The following SEC23IP variants were observed in gnomAD, a reference collection of about 807,000 sequenced individuals.
SEC23IP encodes the protein SEC23-interacting protein.
SEC23IP carries 70 observed loss-of-function variants against 113.4 expected under a neutral mutation model. The observed-to-expected ratio is 0.62, with a 90% CI of 0.51 to 0.75. The LOEUF (loss-of-function observed/expected upper bound fraction) is 0.75, where lower values mean the gene tolerates loss of function less well. Among genes scored for constraint, SEC23IP ranks in the 30% least tolerant of loss-of-function variants. SEC23IP has a pLI of 0.00. For missense variants in SEC23IP, 1,160 were observed against 1,204.9 expected (o/e 0.96, Z 0.55); for synonymous variants, 398 against 421.0 (o/e 0.95, Z 0.67).
At chr10:119,925,535 AT>A (rs547520023) in intron 12 of SEC23IP, among the ~76,000 whole-genome samples, 50 of 151,998 alleles carry the variant, frequency 3.3e-4, no homozygotes, top group Non-Finnish European at 1.8e-4. Context: ...ACATGTAAAC[AT>A]TTTTTTTAAT....
intron 2 of SEC23IP, among the ~76,000 whole-genome samples, chr10:119,901,054 G>T (rs1854483006): frequency 4.5e-5 from 6 of 132,390 alleles, no homozygotes; most frequent in Admixed American, 7.5e-5. Flanking sequence ...TGGGGGGGGG[G>T]TCTTGCTCTG....
chr10:119,929,635 T>TA lies in SEC23IP; in HGVS notation c.2342_2343insA (p.Phe781LeufsTer2), dbSNP rs1855528292. On this transcript the variant is annotated frameshift_variant, in exon 14 of 19. Coordinates refer to ENST00000369075, the MANE Select transcript of SEC23IP (RefSeq NM_007190.4). LOFTEE classifies it high-confidence loss of function. The stretch of plus-strand genomic sequence containing the variant: ...TCTGTTGCTTACAACTCATTAGATT[T>TA]TGAACCAGAGATATTCTTTGCCTTG... 1.9e-6 allele frequency: 3 copies of TA among 1,611,060 alleles called. No individual in the cohort carries two copies. Among genetic ancestry groups the TA allele is most frequent in the Non-Finnish European group, 2.5e-6 (3 of 1,177,212 alleles).
At chr10:119,911,626 C>T (rs898971533) in intron 5 of SEC23IP, among the ~76,000 whole-genome samples, 1 of 152,090 alleles carries the variant, frequency 6.6e-6, no homozygotes, top group Non-Finnish European at 1.5e-5. Context: ...CAGGCATGCA[C>T]TACCATGCCT....
chr10:119,892,852 T>C lies in SEC23IP; in HGVS notation c.70T>C (p.Phe24Leu), dbSNP rs771249885. 1.2e-6 allele frequency: 2 copies of C among 1,614,012 alleles called. No homozygotes were observed. Among genetic ancestry groups the C allele is most frequent in the South Asian group, 2.2e-5 (2 of 91,052 alleles). ...TTCCTCATCGGGCACTAACTTACTT[T>C]TCTCCTCCTCGGCCACGGAGTTCAG... ...STSSSGTNLL[F>L]SSSATEFSFN... Residue 24 changes from phenylalanine to leucine, a missense_variant, in exon 1 of 19, where the codon TTC becomes CTC. Coordinates refer to ENST00000369075, the MANE Select transcript of SEC23IP (RefSeq NM_007190.4).
Position 119,902,911 on chromosome 10 carries a change from AG to A in SEC23IP, c.810del (p.Gln270HisfsTer10). The A allele has an allele frequency of 6.2e-7, 1 of 1,614,204 alleles. No individual in the cohort carries two copies. The highest frequency in any genetic ancestry group is 1.3e-5 in the African/African-American group (1 of 75,056). On this transcript the variant is annotated frameshift_variant, in exon 3 of 19. Transcript: ENST00000369075. LOFTEE classifies it high-confidence loss of function. ...FLLQNQYEPV[Q>X]PHWFYCKEVE... ...CTTCAAAACCAATATGAGCCTGTTC[AG>A]CCCCACTGGTTTTACTGCAAGGAGG... is the stretch of plus-strand genomic sequence containing the variant.
intron 12 of SEC23IP, among the ~76,000 whole-genome samples, chr10:119,925,253 A>G (rs894923559): frequency 1.1e-4 from 16 of 152,098 alleles, no homozygotes; most frequent in African/African-American, 3.9e-4. Flanking sequence ...AACTCCTCCT[A>G]CCACAAAACC....
rs1371263205 is a variant in SEC23IP at position 119,919,701 on chromosome 10, A to G, written c.2025+105A>G. The G allele has an allele frequency of 3.5e-6, 3 of 869,264 alleles. No homozygotes were observed. In the African/African-American group the frequency reaches 5.2e-5, roughly 15 times the overall value. 53.8% of individuals were successfully genotyped at this position (869,264 alleles called of 1,614,324 possible). A position where few individuals can be genotyped will look rare whatever the true frequency, so the allele number is the denominator to read the frequency against. On this transcript the variant is annotated intron_variant, in intron 11 of 18. Coordinates refer to ENST00000369075, the MANE Select transcript of SEC23IP (RefSeq NM_007190.4). ...ATCAAAATACACTCCAGAGTAGACA[A>G]AGACTGAAATGTTTTAAAAAATTGA...
At chr10:119,908,998 T>A in intron 4 of SEC23IP, 43 bp from the exon 5 acceptor site, 2 of 1,333,946 alleles carry the variant, frequency 1.5e-6, no homozygotes, top group Non-Finnish European at 2.1e-6. Context: ...CCATGTGGTA[T>A]AAATTTGTCA....
rs1481570935 is a variant in SEC23IP, at chr10:119,943,808, CA to C, written c.*3244del. On this transcript the variant is annotated 3_prime_UTR_variant, in exon 19 of 19. Transcript: ENST00000369075. ...TTTTATGATGACACATAAAACAGGC[CA>C]GGGGTTATTGAGGACACATCTGTGA... 6.6e-6 allele frequency: 1 copy of C among 151,916 alleles called. No individual in the cohort carries two copies. The highest frequency in any genetic ancestry group is 2.4e-5 in the African/African-American group (1 of 41,316). The allele number at this position is 151,916 out of a possible 1,614,324, so 9.4% of individuals were successfully genotyped here. A position where few individuals can be genotyped will look rare whatever the true frequency, so the allele number is the denominator to read the frequency against.
chr10:119,899,580 A>G (rs1361871544), intron 2 of SEC23IP, among the ~76,000 whole-genome samples: 1 of 152,220 alleles, frequency 6.6e-6, no homozygotes, highest in Non-Finnish European at 1.5e-5. Flanking sequence ...TGGAGATAGC[A>G]GTATTGTGAT....
intron 18 of SEC23IP, among the ~76,000 whole-genome samples, chr10:119,935,795 A>T (rs35528843): frequency 1.3e-5 from 2 of 152,172 alleles, no homozygotes; most frequent in Non-Finnish European, 2.9e-5. Context: ...GGTTCAAGTT[A>T]TTAATGTATA....
At chr10:119,901,217 T>C (rs1201310211) in intron 2 of SEC23IP, among the ~76,000 whole-genome samples, 2 of 151,870 alleles carry the variant, frequency 1.3e-5, no homozygotes, top group Admixed American at 1.3e-4. Flanking sequence ...GTGTTGCTCA[T>C]GTTGGGCTCA....
In SEC23IP at chr10:119,898,795, C is replaced by A. The variant is rs1564904158; in HGVS notation, c.532C>A (p.Pro178Thr). The A allele has an allele frequency of 5.0e-6, 8 of 1,614,194 alleles. No individual in the cohort carries two copies. The East Asian group carries it at 1.8e-4, about 36-fold the overall frequency. Residue 178 changes from proline to threonine, a missense_variant, in exon 2 of 19, where the codon CCA (proline) becomes ACA (threonine). Coordinates refer to ENST00000369075, the MANE Select transcript of SEC23IP (RefSeq NM_007190.4). ...FGNQPQGIPQPGYNPYRHTPG... is the reference protein window; with the variant it reads ...FGNQPQGIPQTGYNPYRHTPG... Reference sequence around the variant, plus strand: ...GAACCAACCCCAAGGAATTCCCCAACCAGGATACAATCCATATCGCCATAC... The same window carrying A: ...GAACCAACCCCAAGGAATTCCCCAAACAGGATACAATCCATATCGCCATAC...
At position 119,892,779 on chromosome 10, in the gene SEC23IP, A is replaced by G; in HGVS notation, c.-4A>G. The G allele has an allele frequency of 6.2e-7, 1 of 1,605,802 alleles. No individual in the cohort carries two copies. Among genetic ancestry groups the G allele is most frequent in the Non-Finnish European group, 8.5e-7 (1 of 1,175,852 alleles). ...AGACGTGTATCGGACGGTGGGCCGC[A>G]GCCATGGCCGAGAGAAAACCTAACG... is the stretch of plus-strand genomic sequence containing the variant. On this transcript the variant is annotated 5_prime_UTR_variant, in exon 1 of 19. Coordinates refer to ENST00000369075, the MANE Select transcript of SEC23IP (RefSeq NM_007190.4).
At position 119,933,164 on chromosome 10, in the gene SEC23IP, A is replaced by G. The variant is rs769656685; in HGVS notation, c.2918A>G (p.Tyr973Cys). The G allele has an allele frequency of 1.2e-6, 2 of 1,613,008 alleles. No homozygotes were observed. The highest frequency in any genetic ancestry group is 1.1e-5 in the South Asian group (1 of 90,840). ...YLFALQSHLCYWESEDTALLL... is the reference protein window; with the variant it reads ...YLFALQSHLCCWESEDTALLL... ...TTCGCTCTTCAGAGTCACTTATGCTATTGGTAAGTGTTCTTAAATTTGGTA... is the reference window on the plus strand; with the variant it reads ...TTCGCTCTTCAGAGTCACTTATGCTGTTGGTAAGTGTTCTTAAATTTGGTA... The change falls in exon 17 of 19, where the codon TAT (tyrosine) becomes TGT (cysteine). Residue 973 changes from tyrosine (Y) to cysteine (C), a missense_variant. Transcript: ENST00000369075.
intron 2 of SEC23IP, among the ~76,000 whole-genome samples, chr10:119,901,850 C>T (rs1209896634): frequency 1.3e-5 from 2 of 152,042 alleles, no homozygotes; most frequent in African/African-American, 4.8e-5. Flanking sequence ...CCACGCCCAG[C>T]TAATTTTTGT....
At position 119,938,119 on chromosome 10, in the gene SEC23IP, C is replaced by T. The variant is rs117804620; in HGVS notation, c.*21-2467C>T. ...CAGCCTGGGCAACATAGTGAAACCT[C>T]GTCTCTTAAAAAAAAAAAAAAAAAA... On this transcript the variant is annotated intron_variant, in intron 18 of 18. Transcript: ENST00000369075. Among the ~76,000 whole-genome samples, 686 of 143,720 alleles carry T rather than the reference C, an allele frequency of 4.8e-3. 19 individuals carry two copies. In the East Asian group the frequency reaches 0.073, roughly 15 times the overall value. 94.3% of individuals were successfully genotyped at this position (143,720 alleles called of 152,430 possible).
At chr10:119,917,757 C>A in intron 8 of SEC23IP, 79 bp from the exon 9 acceptor site, 1 of 1,077,106 alleles carries the variant, frequency 9.3e-7, no homozygotes, top group Non-Finnish European at 1.3e-6. Flanking sequence ...TTTCAGGAGT[C>A]AAAAATCTAA....
chr10:119,899,706 G>C (rs183061557), intron 2 of SEC23IP, among the ~76,000 whole-genome samples: 4 of 152,282 alleles, frequency 2.6e-5, no homozygotes, highest in Admixed American at 2.6e-4. Context: ...ATTCTGAAAA[G>C]TAACCAGATT....
Sources: allele counts gnomAD v4.1 joint callset (sites outside exome capture counted in the v4.1 genomes callset), GRCh38; gene constraint gnomAD v4.1.1; transcripts MANE v1.5; gene names NCBI Gene and HGNC (gene_info 2026-07-23, HGNC 2026-07-21).